The following JAKMIP2 variants were observed in gnomAD, a reference collection of about 807,000 sequenced individuals.
The protein encoded by JAKMIP2 is janus kinase and microtubule-interacting protein 2.
A neutral mutation model predicts 115.0 loss-of-function variants in JAKMIP2; 25 were observed. The ratio of observed to expected loss-of-function variants is 0.22; its 90% CI spans 0.16 to 0.30. JAKMIP2 has a LOEUF of 0.30. JAKMIP2 is among the 10% of genes least tolerant of loss of function. The pLI is 1.00. For missense variants in JAKMIP2, 642 were observed against 957.6 expected, an observed-to-expected ratio of 0.67 and a Z score of 4.35; for synonymous variants, 334 against 343.6, an observed-to-expected ratio of 0.97 and a Z score of 0.31.
chr5:147,727,565 C>G (rs1030298628), intron 1 of JAKMIP2, among the ~76,000 whole-genome samples: 4 of 152,184 alleles, frequency 2.6e-5, no homozygotes, highest in Non-Finnish European at 5.9e-5. Context: ...AACTTACCGT[C>G]ATGAGAACAG....
chr5:147,752,024 C>T (rs1325403844), intron 1 of JAKMIP2, among the ~76,000 whole-genome samples: 1 of 152,086 alleles, frequency 6.6e-6, no homozygotes, highest in African/African-American at 2.4e-5. Context: ...AAATAAGAGA[C>T]TTTCTGATGA....
intron 1 of JAKMIP2, among the ~76,000 whole-genome samples, chr5:147,697,659 G>T (rs1056910191): frequency 2.0e-5 from 3 of 152,186 alleles, no homozygotes; most frequent in Non-Finnish European, 2.9e-5. Context: ...CCAAGGTACA[G>T]CTCAGGCCAT....
intron 1 of JAKMIP2, among the ~76,000 whole-genome samples, chr5:147,690,077 C>T (rs892231068): frequency 1.1e-4 from 16 of 152,154 alleles, no homozygotes; most frequent in African/African-American, 3.1e-4. Context: ...GGGCTGGACA[C>T]AGTGGCTCAC....
chr5:147,721,512 G>A (rs532719145), intron 1 of JAKMIP2, among the ~76,000 whole-genome samples: 4 of 152,230 alleles, frequency 2.6e-5, no homozygotes, highest in Admixed American at 2.0e-4. Context: ...CTCCGTGGGC[G>A]TAGGACCCTC....
At chr5:147,597,020 G>A (rs1363816435) in intron 21 of JAKMIP2, among the ~76,000 whole-genome samples, 5 of 148,096 alleles carry the variant, frequency 3.4e-5, no homozygotes, top group Non-Finnish European at 5.9e-5. Context: ...TTATAGGCAC[G>A]GACCACCATG....
intron 7 of JAKMIP2, among the ~76,000 whole-genome samples, chr5:147,642,980 A>T (rs967548644): frequency 2.6e-5 from 4 of 152,084 alleles, no homozygotes; most frequent in Middle Eastern, 3.4e-3. Flanking sequence ...CTTTCTCCTG[A>T]TTCTTCCTGC....
intron 2 of JAKMIP2, among the ~76,000 whole-genome samples, chr5:147,665,952 T>G (rs1385166235): frequency 6.6e-6 from 1 of 152,034 alleles, no homozygotes; most frequent in Non-Finnish European, 1.5e-5. Flanking sequence ...TTTAAAAAAG[T>G]AAAAATACAG....
At chr5:147,652,946 G>A (rs1181982035) in intron 3 of JAKMIP2, among the ~76,000 whole-genome samples, 1 of 152,078 alleles carries the variant, frequency 6.6e-6, no homozygotes, top group African/African-American at 2.4e-5. Flanking sequence ...TTATGAGCGG[G>A]AACATGCAGT....
intron 1 of JAKMIP2, among the ~76,000 whole-genome samples, chr5:147,718,865 T>G (rs1753133324): frequency 6.7e-6 from 1 of 149,810 alleles, no homozygotes; most frequent in African/African-American, 2.5e-5. Context: ...TGCTCTGATT[T>G]TAGTTATTTC....
intron 17 of JAKMIP2, 125 bp from the exon 18 acceptor site, chr5:147,620,868 A>C: frequency 3.0e-6 from 2 of 657,874 alleles, no homozygotes; most frequent in East Asian, 2.8e-5. Flanking sequence ...TAGAGTCATA[A>C]ATTTTGTCTG....
intron 5 of JAKMIP2, 23 bp downstream of exon 5, chr5:147,648,353 C>T (rs776001904): frequency 7.4e-7 from 1 of 1,359,536 alleles, no homozygotes; most frequent in Admixed American, 1.7e-5. Context: ...ACAACATCAA[C>T]AAAAATTTTT....
intron 1 of JAKMIP2, among the ~76,000 whole-genome samples, chr5:147,723,133 A>G (rs1015807197): frequency 2.0e-5 from 3 of 152,136 alleles, no homozygotes; most frequent in African/African-American, 7.2e-5. Context: ...TTCCTAAGCT[A>G]CTTGGCCTTT....
At chr5:147,630,259 T>C (rs1581320467) in intron 14 of JAKMIP2, among the ~76,000 whole-genome samples, 1 of 152,278 alleles carries the variant, frequency 6.6e-6, no homozygotes, top group South Asian at 2.1e-4. Flanking sequence ...TAAAGGTGGT[T>C]AGCATTAATT....
intron 1 of JAKMIP2, among the ~76,000 whole-genome samples, chr5:147,714,414 C>T (rs1265304219): frequency 2.0e-5 from 3 of 151,840 alleles, no homozygotes; most frequent in Admixed American, 1.3e-4. Flanking sequence ...AAAAACAGGT[C>T]GAAAGCATGG....
intron 1 of JAKMIP2, among the ~76,000 whole-genome samples, chr5:147,736,460 A>T (rs1481534803): frequency 5.3e-5 from 8 of 152,146 alleles, no homozygotes; most frequent in Non-Finnish European, 8.8e-5. Context: ...TCTATCTCAA[A>T]AAATAAATAA....
chr5:147,591,613 G>A lies in JAKMIP2; in HGVS notation c.*94C>T, dbSNP rs1159767248. Reference sequence around the variant, plus strand: ...AGCTTTTGATCTCCCTCTCACTGGTGTAAACAATTTTGCCATCTTTGAAGG... The same window carrying A: ...AGCTTTTGATCTCCCTCTCACTGGTATAAACAATTTTGCCATCTTTGAAGG... On this transcript the variant is annotated 3_prime_UTR_variant, in exon 22 of 22. Coordinates refer to ENST00000616793, the MANE Select transcript of JAKMIP2 (RefSeq NM_001270941.2). 4.9e-6 allele frequency: 7 copies of A among 1,443,100 alleles called. No individual in the cohort carries two copies. In the East Asian group the frequency reaches 1.6e-4, roughly 33 times the overall value. 89.4% of individuals were successfully genotyped at this position (1,443,100 alleles called of 1,614,324 possible). A position where few individuals can be genotyped will look rare whatever the true frequency, so the allele number is the denominator to read the frequency against.
chr5:147,592,565 C>G (rs1581253649), intron 21 of JAKMIP2, among the ~76,000 whole-genome samples: 1 of 152,268 alleles, frequency 6.6e-6, no homozygotes, highest in East Asian at 1.9e-4. Context: ...AGAAGATGTG[C>G]TATGAGGTTG....
At chr5:147,735,074 A>G (rs947232524) in intron 1 of JAKMIP2, among the ~76,000 whole-genome samples, 5 of 152,174 alleles carry the variant, frequency 3.3e-5, no homozygotes, top group African/African-American at 1.2e-4. Context: ...CGATCTGCAT[A>G]TGCTGGGTCA....
intron 5 of JAKMIP2, 81 bp from the exon 6 acceptor site, chr5:147,645,077 A>G (rs1758070372): frequency 7.7e-7 from 1 of 1,301,466 alleles, no homozygotes; most frequent in African/African-American, 1.5e-5. Flanking sequence ...GAGTGAAAGC[A>G]CCTCTGGAGA....
Sources: allele counts gnomAD v4.1 joint callset (sites outside exome capture counted in the v4.1 genomes callset), GRCh38; gene constraint gnomAD v4.1.1; transcripts MANE v1.5; gene names NCBI Gene and HGNC (gene_info 2026-07-23, HGNC 2026-07-21).